Variants in PPP2R2C observed in about 807,000 individuals in gnomAD.
PPP2R2C encodes the protein protein phosphatase 2 regulatory subunit Bgamma.
Under a neutral mutation model 45.3 loss-of-function variants are expected in PPP2R2C, and 10 were observed. That is an observed-to-expected ratio of 0.22 (90% CI 0.14 to 0.37). PPP2R2C has a LOEUF of 0.37. PPP2R2C is among the 10% of genes least tolerant of loss of function. The pLI is 1.00. For missense variants in PPP2R2C, 308 were observed against 619.7 expected (o/e 0.50, Z 5.34); for synonymous variants, 257 against 245.4 (o/e 1.05, Z -0.44).
Position 6,472,552 on chromosome 4 carries a change from A to ACGGCGG in PPP2R2C, c.-329_-324dup. Reference sequence around the variant, plus strand: ...GGTGCCGGTGCGCCTGGCTGCGGCGACGGCGGCGAGGGGACGCGCGCGGCG... The same window carrying ACGGCGG: ...GGTGCCGGTGCGCCTGGCTGCGGCGACGGCGGCGGCGGCGAGGGGACGCGCGCGGCG... On this transcript the variant is annotated 5_prime_UTR_variant, in exon 1 of 9. Coordinates refer to ENST00000382599, the MANE Select transcript of PPP2R2C (RefSeq NM_020416.4). 6.8e-6 allele frequency: 1 copy of ACGGCGG among 146,766 alleles called. No individual in the cohort carries two copies. Among genetic ancestry groups the ACGGCGG allele is most frequent in the South Asian group, 2.1e-4 (1 of 4,756 alleles). The allele number at this position is 146,766 out of a possible 1,614,324, so 9.1% of individuals were successfully genotyped here.
Position 6,328,544 on chromosome 4 carries a change from A to C in PPP2R2C, c.1052+718T>G, listed in dbSNP as rs1052474693. Among the ~76,000 whole-genome samples, 7 of 152,182 alleles carry C rather than the reference A, an allele frequency of 4.6e-5. No individual in the cohort carries two copies. On this transcript the variant is annotated intron_variant, in intron 8 of 8. Coordinates refer to ENST00000382599, the MANE Select transcript of PPP2R2C (RefSeq NM_020416.4). This position sits in a 1 kb window ranked among gnomAD's most constrained non-coding sequence, Gnocchi z 4.4. Reference sequence around the variant, plus strand: ...TTCCCACCTCCAGAATGGAGGAAGAATCCCAGAGAAGAGACACAGAGGTAA... The same window carrying C: ...TTCCCACCTCCAGAATGGAGGAAGACTCCCAGAGAAGAGACACAGAGGTAA...
chr4:6,329,483 A>G lies in PPP2R2C; in HGVS notation c.961-130T>C. ...GGCCCAGCGCAGACCTGCTCATCTC[A>G]GCGAGGGTCTGAATGCTCTGACACA... On this transcript the variant is annotated intron_variant, in intron 7 of 8. Transcript: ENST00000382599. This position sits in a 1 kb window ranked among gnomAD's most constrained non-coding sequence, Gnocchi z 5.8. 2.6e-6 allele frequency: 2 copies of G among 759,864 alleles called. No individual in the cohort carries two copies. 47.1% of individuals were successfully genotyped at this position (759,864 alleles called of 1,614,324 possible).
chr4:6,523,239 C>T (rs901649959), intron 2 of PPP2R2C, among the ~76,000 whole-genome samples: 25 of 152,200 alleles, frequency 1.6e-4, no homozygotes, highest in Non-Finnish European at 2.1e-4. Context: ...CTAGCCCCAA[C>T]CACCAGCTCC....
At chr4:6,473,622 C>T (rs370183733), upstream of PPP2R2C, among the ~76,000 whole-genome samples, 329 of 152,290 alleles carry the variant, frequency 2.2e-3, no homozygotes, top group Middle Eastern at 0.031. Flanking sequence ...TCTAAGGCAT[C>T]AGTGGAGCCA....
intron 1 of PPP2R2C, among the ~76,000 whole-genome samples, chr4:6,560,481 G>A (rs917201350): frequency 6.6e-6 from 1 of 152,216 alleles, no homozygotes; most frequent in Non-Finnish European, 1.5e-5. Context: ...ACCTCAGGCA[G>A]ATCACTTAAT....
chr4:6,349,994 G>A, intron 5 of PPP2R2C: 1 of 985,376 alleles, frequency 1.0e-6, no homozygotes, highest in Non-Finnish European at 1.2e-6. Context: ...GCACCTAAAA[G>A]GGTCTCTGTG....
chr4:6,421,194 T>C (rs1052413392), intron 1 of PPP2R2C: 8 of 907,428 alleles, frequency 8.8e-6, no homozygotes, highest in Admixed American at 1.2e-4. Context: ...GCCAATCAGA[T>C]GCTCCCACCT....
At chr4:6,363,594 AG>A (rs2109271850) in intron 5 of PPP2R2C, among the ~76,000 whole-genome samples, 1 of 151,992 alleles carries the variant, frequency 6.6e-6, no homozygotes, top group African/African-American at 2.4e-5. Context: ...AAAAAAGAAA[AG>A]AAAAAGAAAG....
intron 1 of PPP2R2C, among the ~76,000 whole-genome samples, chr4:6,545,411 C>G (rs1441890202): frequency 6.6e-6 from 1 of 152,124 alleles, no homozygotes. Context: ...CCATGAGGGA[C>G]CAGGTATGCC....
rs1336855106 is a variant in PPP2R2C at position 6,511,002 on chromosome 4, A to C, written c.49+24269T>G. ...AAACAAAAAAAAACAAACAAACAAA[A>C]AAAAAAACAGAAAATGTTTGTTGAA... On this transcript the variant is annotated intron_variant, in intron 2 of 9. Coordinates refer to the PPP2R2C transcript ENST00000506140. Among the ~76,000 whole-genome samples the C allele has an allele frequency of 1.3e-4, 20 of 148,496 alleles. 2 individuals carry two copies. The East Asian group carries it at 2.5e-3, about 19-fold the overall frequency.
At chr4:6,354,811 C>T (rs1712996109) in intron 5 of PPP2R2C, among the ~76,000 whole-genome samples, 1 of 152,062 alleles carries the variant, frequency 6.6e-6, no homozygotes, top group African/African-American at 2.4e-5. Context: ...GCTTGGGTTC[C>T]TCCGCCCACA....
chr4:6,355,388 G>A (rs548701737), intron 5 of PPP2R2C, among the ~76,000 whole-genome samples: 3 of 152,110 alleles, frequency 2.0e-5, no homozygotes, highest in Non-Finnish European at 4.4e-5. Context: ...CTCCCGGGGA[G>A]GGATAGCATT....
chr4:6,322,987 A>G lies in PPP2R2C; in HGVS notation c.*315T>C, dbSNP rs1027186162. On this transcript the variant is annotated 3_prime_UTR_variant, in exon 9 of 9. Transcript: ENST00000382599. This position sits in a 1 kb window ranked among gnomAD's most constrained non-coding sequence, Gnocchi z 7.8. ...TTGATGTGGTAAAGACCGCAGACCG[A>G]GACAGGAAGGGACGTGAATGAAAGA... The G allele has an allele frequency of 3.8e-4, 95 of 248,114 alleles. No individual in the cohort carries two copies. The highest frequency in any genetic ancestry group is 6.1e-5 in the Non-Finnish European group (8 of 130,146). The allele number at this position is 248,114 out of a possible 1,614,324, so 15.4% of individuals were successfully genotyped here.
chr4:6,510,844 G>A (rs1024152772), intron 2 of PPP2R2C, among the ~76,000 whole-genome samples: 13 of 152,086 alleles, frequency 8.5e-5, no homozygotes, highest in Non-Finnish European at 1.6e-4. Context: ...AGGCATGGTG[G>A]CAGGCACCTG....
rs539249771 is a variant in PPP2R2C at position 6,358,140 on chromosome 4, A to G, written c.626-10130T>C. On this transcript the variant is annotated intron_variant, in intron 5 of 8. Coordinates refer to ENST00000382599, the MANE Select transcript of PPP2R2C (RefSeq NM_020416.4). ...ATGGTACTGGTACCAAAACAGAGAT[A>G]TAGACCAATGGAACAGAACAGAGGC... 1.8e-3 allele frequency among the ~76,000 whole-genome samples: 271 copies of G among 152,308 alleles called. 2 individuals carry two copies. The highest frequency in any genetic ancestry group is 3.0e-3 in the Non-Finnish European group (206 of 68,020).
chr4:6,371,057 C>T (rs552617041), intron 5 of PPP2R2C, among the ~76,000 whole-genome samples: 85 of 152,254 alleles, frequency 5.6e-4, no homozygotes, highest in African/African-American at 1.9e-3. Context: ...ACTTAGGGTT[C>T]GGCACATCAC....
Position 6,378,606 on chromosome 4 carries a change from C to T in PPP2R2C, c.169-34G>A, listed in dbSNP as rs759711859. 1.6e-5 allele frequency: 25 copies of T among 1,594,688 alleles called. No individual in the cohort carries two copies. The Middle Eastern group carries it at 5.1e-4, about 32-fold the overall frequency. On this transcript the variant is annotated intron_variant, in intron 2 of 8. Transcript: ENST00000382599. The surrounding 1 kb of genome is among the most constrained non-coding windows in gnomAD (Gnocchi z 5.2). ...AAACCCGGAGAAGGGGCCTGAGCACCGTGACCTGCAGGGCGACGGCTAGGA... is the reference window on the plus strand; with the variant it reads ...AAACCCGGAGAAGGGGCCTGAGCACTGTGACCTGCAGGGCGACGGCTAGGA...
At chr4:6,466,837 G>A (rs73207855) in intron 1 of PPP2R2C, among the ~76,000 whole-genome samples, 28 of 152,228 alleles carry the variant, frequency 1.8e-4, no homozygotes, top group African/African-American at 6.5e-4. Flanking sequence ...GAGAAAAACC[G>A]TGCTCTGTGA....
chr4:6,469,518 C>G (rs1459998174), intron 1 of PPP2R2C, among the ~76,000 whole-genome samples: 1 of 152,160 alleles, frequency 6.6e-6, no homozygotes, highest in Admixed American at 6.5e-5. Flanking sequence ...ATAACAATGC[C>G]ATGTGTTCAA....
Sources: gnomAD v4.1 joint callset for allele counts (sites outside exome capture counted in the v4.1 genomes callset) on GRCh38, gnomAD v4.1.1 for gene constraint, Gnocchi (gnomAD v3.1) non-coding constraint, MANE v1.5 for transcripts, NCBI Gene and HGNC (gene_info 2026-07-23, HGNC 2026-07-21) for gene names.